The following MYOM1 variants were observed in gnomAD, a reference collection of about 807,000 sequenced individuals.
MYOM1 encodes the protein myomesin-1.
Under a neutral mutation model 205.3 loss-of-function variants are expected in MYOM1, and 164 were observed. That is an observed-to-expected ratio of 0.80 (90% CI 0.70 to 0.91). The LOEUF (loss-of-function observed/expected upper bound fraction) is 0.91. Ranked by LOEUF, MYOM1 falls within the 40% of genes least tolerant of loss-of-function variation. The pLI, the probability that MYOM1 is intolerant of heterozygous loss-of-function variation, is 0.00. For synonymous variants in MYOM1, 772 were observed against 789.4 expected (o/e 0.98, Z 0.37); for missense variants, 2,011 against 2,127.3 (o/e 0.95, Z 1.08).
At chr18:3,169,030 G>GAC (rs1351298624) in intron 8 of MYOM1, 49 bp from the exon 9 acceptor site, 1 of 1,489,530 alleles carries the variant, frequency 6.7e-7, no homozygotes. Context: ...TCATCAAAGA[G>GAC]ACACAAGCAT....
intron 37 of MYOM1, among the ~76,000 whole-genome samples, chr18:3,071,370 T>A (rs1240239298): frequency 1.3e-5 from 2 of 150,416 alleles, no homozygotes; most frequent in Non-Finnish European, 3.0e-5. Flanking sequence ...ACCGACTGAT[T>A]TTTTTTGAGA....
At chr18:3,215,474 G>C (rs1460504934) in intron 1 of MYOM1, among the ~76,000 whole-genome samples, 1 of 152,042 alleles carries the variant, frequency 6.6e-6, no homozygotes, top group Admixed American at 6.6e-5. Context: ...TGTGGTGTGT[G>C]TGTCTGTAGT....
intron 28 of MYOM1, 146 bp downstream of exon 28, chr18:3,089,390 TA>T: frequency 1.3e-6 from 1 of 789,762 alleles, no homozygotes; most frequent in Non-Finnish European, 2.0e-6. Flanking sequence ...TCTACATATT[TA>T]ACAGTAAATA....
chr18:3,231,847 CT>C, the MYOM1 span, among the ~76,000 whole-genome samples: 33,979 of 123,628 alleles, frequency 0.27, 4,500 homozygotes, highest in African/African-American at 0.41. Context: ...CAGCCGCATC[CT>C]TTTTTTTTTT....
chr18:3,118,643 A>G (rs2079641351), intron 20 of MYOM1, among the ~76,000 whole-genome samples: 1 of 152,040 alleles, frequency 6.6e-6, no homozygotes, highest in Non-Finnish European at 1.5e-5. Flanking sequence ...CAACGACATC[A>G]CTTTTGATCA....
intron 2 of MYOM1, among the ~76,000 whole-genome samples, chr18:3,195,998 T>C (rs1322532616): frequency 2.6e-5 from 4 of 152,220 alleles, no homozygotes; most frequent in African/African-American, 7.2e-5. Context: ...TTATGTGTTA[T>C]ATAGTACTGC....
intron 10 of MYOM1, among the ~76,000 whole-genome samples, chr18:3,157,106 G>A (rs7505690): frequency 0.13 from 20,272 of 152,108 alleles, 1,533 homozygotes; most frequent in Middle Eastern, 0.21. Flanking sequence ...TTTTGCTAAC[G>A]GCCTATACCA....
intron 9 of MYOM1, among the ~76,000 whole-genome samples, chr18:3,167,650 G>T (rs2080492466): frequency 6.6e-6 from 1 of 152,198 alleles, no homozygotes; most frequent in South Asian, 2.1e-4. Context: ...CTCCCAAAGT[G>T]CTGGGATTAC....
At chr18:3,225,018 C>G in the MYOM1 span, among the ~76,000 whole-genome samples, 2 of 151,066 alleles carry the variant, frequency 1.3e-5, no homozygotes, top group African/African-American at 2.4e-5. Context: ...GACGGAGTCT[C>G]GCTCTTTCAC....
At chr18:3,112,488 C>A in intron 21 of MYOM1, 76 bp from the exon 22 acceptor site, 1 of 1,115,172 alleles carries the variant, frequency 9.0e-7, no homozygotes, top group Non-Finnish European at 1.3e-6. Context: ...ACAGACGGGG[C>A]TCTTCCTCTG....
At chr18:3,097,004 G>A (rs1370189248) in intron 25 of MYOM1, among the ~76,000 whole-genome samples, 1 of 152,076 alleles carries the variant, frequency 6.6e-6, no homozygotes, top group African/African-American at 2.4e-5. Flanking sequence ...GTGCCTCAGC[G>A]AAATATGTTA....
the MYOM1 span, among the ~76,000 whole-genome samples, chr18:3,226,785 G>T: frequency 2.6e-5 from 4 of 152,178 alleles, no homozygotes; most frequent in African/African-American, 9.7e-5. The surrounding 1 kb of genome is among the most constrained non-coding windows in gnomAD (Gnocchi z 4.6). Flanking sequence ...ATTTAATAAA[G>T]AATTACTGAA....
At chr18:3,169,184 T>C (rs2080517881) in intron 8 of MYOM1, among the ~76,000 whole-genome samples, 1 of 152,156 alleles carries the variant, frequency 6.6e-6, no homozygotes. Context: ...TCTTACTTCA[T>C]TGGTTATATA....
chr18:3,192,269 T>A (rs73377215), intron 3 of MYOM1, among the ~76,000 whole-genome samples: 2,568 of 152,288 alleles, frequency 0.017, 59 homozygotes, highest in African/African-American at 0.052. Context: ...CGAGTTACAT[T>A]AAGCTACTGT....
Position 3,219,035 on chromosome 18 carries a change from A to C in MYOM1, c.-29+768T>G, listed in dbSNP as rs1453219922. On this transcript the variant is annotated intron_variant, in intron 1 of 37. Transcript: ENST00000356443. This position sits in a 1 kb window ranked among gnomAD's most constrained non-coding sequence, Gnocchi z 4.4. ...TTCATCAAGTAAGCCCTTGAAGTTA[A>C]CTAAAGCCAGGATTAGCTCCAACAC... Among the ~76,000 whole-genome samples the C allele has an allele frequency of 2.0e-5, 3 of 152,178 alleles. No homozygotes were observed. Among genetic ancestry groups the C allele is most frequent in the African/African-American group, 7.2e-5 (3 of 41,438 alleles).
rs569938265 is a variant in MYOM1, at chr18:3,142,737, C to T, written c.1901-674G>A. Among the ~76,000 whole-genome samples the T allele has an allele frequency of 7.9e-5, 12 of 152,268 alleles. 1 individual carries two copies. In the South Asian group the frequency reaches 2.5e-3, roughly 32 times the overall value. On this transcript the variant is annotated intron_variant, in intron 13 of 37. Coordinates refer to ENST00000356443, the MANE Select transcript of MYOM1 (RefSeq NM_003803.4). ...TCTAGAGTTTAGAGCCACATGAACC[C>T]TCCACAAGCAGGATTTACCCTGGCT...
rs185573271 is a variant in MYOM1, at chr18:3,151,801, G to A, written c.1736C>T (p.Ser579Phe). The change falls in exon 12 of 38, where the codon TCC (serine) becomes TTC (phenylalanine). Residue 579 changes from serine (S) to phenylalanine (F), a missense_variant. By Grantham distance (155) the Ser-to-Phe change is radical. Transcript: ENST00000356443. ...FPVTGLIEGR[S>F]YIFRVRAVNK... The stretch of plus-strand genomic sequence containing the variant: ...CACAGCTCGAACTCGGAAGATATAG[G>A]AACGACCTTCGATCAATCCAGTGAC... 449 of 1,613,918 alleles carry A rather than the reference G, an allele frequency of 2.8e-4. No individual in the cohort carries two copies. The highest frequency in any genetic ancestry group is 7.3e-4 in the Admixed American group (44 of 60,018).
intron 4 of MYOM1, among the ~76,000 whole-genome samples, chr18:3,188,283 T>C (rs1230507985): frequency 1.3e-5 from 2 of 152,332 alleles, no homozygotes; most frequent in African/African-American, 4.8e-5. Context: ...CTCCTTGTTT[T>C]CTTACGTTTT....
chr18:3,160,465 C>T (rs1003508080), intron 10 of MYOM1, among the ~76,000 whole-genome samples: 9 of 152,120 alleles, frequency 5.9e-5, no homozygotes, highest in Admixed American at 1.3e-4. Context: ...GGATTACAGG[C>T]GTGAGCCATT....
Sources: gnomAD v4.1 joint callset for allele counts (sites outside exome capture counted in the v4.1 genomes callset) on GRCh38, gnomAD v4.1.1 for gene constraint, Gnocchi (gnomAD v3.1) non-coding constraint, MANE v1.5 for transcripts, NCBI Gene and HGNC (gene_info 2026-07-23, HGNC 2026-07-21) for gene names.